The following COL27A1 variants were observed in gnomAD, a reference collection of about 807,000 sequenced individuals.
The protein encoded by COL27A1 is collagen alpha-1(XXVII) chain.
In COL27A1, 106 loss-of-function variants were observed where a neutral mutation model predicts 251.3. That is an observed-to-expected ratio of 0.42 (90% CI 0.36 to 0.50). COL27A1 has a LOEUF of 0.50. Among genes scored for constraint, COL27A1 ranks in the 20% least tolerant of loss-of-function variants. The pLI, the probability that COL27A1 is intolerant of heterozygous loss-of-function variation, is 0.00. For synonymous variants in COL27A1, 1,000 were observed against 986.3 expected, an observed-to-expected ratio of 1.01 and a Z score of -0.26; for missense variants, 2,325 against 2,522.8, an observed-to-expected ratio of 0.92 and a Z score of 1.68.
intron 3 of COL27A1, among the ~76,000 whole-genome samples, chr9:114,177,084 C>T (rs1329574168): frequency 6.6e-6 from 1 of 152,212 alleles, no homozygotes; most frequent in East Asian, 1.9e-4. Context: ...TCACATCAGG[C>T]GCTTAGTTAA....
chr9:114,205,913 C>T, intron 9 of COL27A1, 101 bp downstream of exon 9: 1 of 1,071,032 alleles, frequency 9.3e-7, no homozygotes, highest in East Asian at 2.4e-5. Flanking sequence ...GGCCAAGGAG[C>T]TGCACCTGCT....
At position 114,293,349 on chromosome 9, in the gene COL27A1, A is replaced by G. The variant is rs567964438; in HGVS notation, c.4584+1139A>G. On this transcript the variant is annotated intron_variant, in intron 49 of 60. Coordinates refer to ENST00000356083, the MANE Select transcript of COL27A1 (RefSeq NM_032888.4). ...AGTATTTTGAATTGAATGAAAGTAA[A>G]AAACAGCATATAAAAATTGGTGAAA... Among the ~76,000 whole-genome samples, 4 of 152,322 alleles carry G rather than the reference A, an allele frequency of 2.6e-5. No individual in the cohort carries two copies. The South Asian group carries it at 8.3e-4, about 32-fold the overall frequency.
At chr9:114,276,729 A>G (rs1375328073) in intron 37 of COL27A1, among the ~76,000 whole-genome samples, 2 of 152,254 alleles carry the variant, frequency 1.3e-5, no homozygotes, top group African/African-American at 4.8e-5. Flanking sequence ...AAATGTACTT[A>G]GTCAGTCCAC....
intron 3 of COL27A1, among the ~76,000 whole-genome samples, chr9:114,173,166 G>A (rs1347502371): frequency 2.7e-5 from 4 of 150,522 alleles, no homozygotes; most frequent in South Asian, 2.1e-4. Flanking sequence ...CGGGGAGGCC[G>A]TGGTTCACAG....
intron 10 of COL27A1, among the ~76,000 whole-genome samples, chr9:114,208,937 A>G (rs938950446): frequency 6.6e-6 from 1 of 152,044 alleles, no homozygotes; most frequent in African/African-American, 2.4e-5. Flanking sequence ...GAGGGAGGAA[A>G]TGAGATGCAT....
rs200972376 is a variant in COL27A1 at position 114,266,648 on chromosome 9, T to G, written c.3447+30T>G. The G allele has an allele frequency of 6.0e-5, 95 of 1,592,698 alleles. No individual in the cohort carries two copies. The African/African-American group carries it at 8.6e-4, about 14-fold the overall frequency. On this transcript the variant is annotated intron_variant, in intron 33 of 60. Transcript: ENST00000356083. The stretch of plus-strand genomic sequence containing the variant: ...GTGTGAGAGACCCTTATTCGTCCCA[T>G]GATGCTGCTGGGGATGTATCAGCCC...
intron 41 of COL27A1, among the ~76,000 whole-genome samples, chr9:114,287,367 A>G (rs542364524): frequency 2.8e-4 from 43 of 152,122 alleles, no homozygotes; most frequent in African/African-American, 8.7e-4. Flanking sequence ...GAGTCTTCTG[A>G]GCCCTGAGAT....
chr9:114,310,756 G>A lies in COL27A1; in HGVS notation c.*61G>A. ...GAGGGAAGAGGAAGAGGCAAGGGGA[G>A]GGTACTGAGGGGCAGATGGCTCCAG... On this transcript the variant is annotated 3_prime_UTR_variant, in exon 61 of 61. Coordinates refer to ENST00000356083, the MANE Select transcript of COL27A1 (RefSeq NM_032888.4). The A allele has an allele frequency of 6.4e-7, 1 of 1,574,388 alleles. No individual in the cohort carries two copies. Among genetic ancestry groups the A allele is most frequent in the Non-Finnish European group, 8.7e-7 (1 of 1,149,898 alleles).
At position 114,306,616 on chromosome 9, in the gene COL27A1, C is replaced by T. The variant is rs767709144; in HGVS notation, c.5035C>T (p.Pro1679Ser). The change falls in exon 58 of 61, where the codon CCC becomes TCC. Residue 1679 changes from proline to serine, a missense_variant. Coordinates refer to ENST00000356083, the MANE Select transcript of COL27A1 (RefSeq NM_032888.4). ...CAACCTCATCCAGAGCATTAAGACG[C>T]CCCTGGGCACCAAAGAGAACCCCGC... Reference protein sequence around the residue: ...LSNLIQSIKTPLGTKENPARV... With the variant: ...LSNLIQSIKTSLGTKENPARV... 1 of 1,614,152 alleles carries T rather than the reference C, an allele frequency of 6.2e-7. No individual in the cohort carries two copies. Among genetic ancestry groups the T allele is most frequent in the South Asian group, 1.1e-5 (1 of 91,084 alleles).
At chr9:114,193,923 G>A (rs1199991430) in intron 5 of COL27A1, among the ~76,000 whole-genome samples, 2 of 152,186 alleles carry the variant, frequency 1.3e-5, no homozygotes, top group East Asian at 3.9e-4. Context: ...CAAGTAGGAT[G>A]TGAAGGACAC....
intron 32 of COL27A1, among the ~76,000 whole-genome samples, chr9:114,266,201 C>T (rs1834729330): frequency 6.6e-6 from 1 of 152,064 alleles, no homozygotes; most frequent in Admixed American, 6.6e-5. Flanking sequence ...AGGAGTCACC[C>T]TTTTGAACAG....
rs201345287 is a variant in COL27A1 at position 114,168,341 on chromosome 9, C to T, written c.786C>T (p.Ser262=). ...CTGGCAGACCTTTTACCTTCCAGTC[C>T]GACCTCGCCCTGCTAGGCCTGGAGA... is the stretch of plus-strand genomic sequence containing the variant. ...QDSGRPFTFQ[S]DLALLGLENL... Residue 262 remains serine (S), a synonymous_variant, in exon 3 of 61, where the codon TCC becomes TCT. Transcript: ENST00000356083. 1.2e-4 allele frequency: 197 copies of T among 1,613,260 alleles called. No individual in the cohort carries two copies. The East Asian group carries it at 1.9e-3, about 15-fold the overall frequency.
rs1827866518 is a variant in COL27A1, at chr9:114,290,918, G to A, written c.4476+1G>A. 1.3e-6 allele frequency: 2 copies of A among 1,547,970 alleles called. No individual in the cohort carries two copies. Among genetic ancestry groups the A allele is most frequent in the Non-Finnish European group, 1.7e-6 (2 of 1,144,150 alleles). ...AGCACAGGGACCCCCAGGATTCAAGGTCAGATACCTCTTAATACACTTACC... is the reference window on the plus strand; with the variant it reads ...AGCACAGGGACCCCCAGGATTCAAGATCAGATACCTCTTAATACACTTACC... On this transcript the variant is annotated splice_donor_variant, in intron 48 of 60. Transcript: ENST00000356083. LOFTEE classifies it high-confidence loss of function. The surrounding 1 kb of genome is among the most constrained non-coding windows in gnomAD (Gnocchi z 4.6).
intron 57 of COL27A1, among the ~76,000 whole-genome samples, 175 bp downstream of exon 57, chr9:114,304,848 A>C (rs1399020383): frequency 1.3e-5 from 2 of 152,200 alleles, no homozygotes; most frequent in Non-Finnish European, 2.9e-5. Context: ...CAGAATGGGC[A>C]GTGAGTCCAA....
chr9:114,237,096 G>C, intron 18 of COL27A1, 62 bp downstream of exon 18: 1 of 1,465,784 alleles, frequency 6.8e-7, no homozygotes, highest in Non-Finnish European at 9.2e-7. Context: ...GTGTAATGTG[G>C]CTGGGGACAC....
At chr9:114,292,074 A>G (rs371936520) in intron 48 of COL27A1, 29 bp from the exon 49 acceptor site, 30 of 1,543,142 alleles carry the variant, frequency 1.9e-5, no homozygotes, top group Non-Finnish European at 2.5e-5. Flanking sequence ...TCCCACTTTG[A>G]CTGGTAATTT....
In COL27A1 at chr9:114,169,172, G is replaced by A. The variant is rs145936685; in HGVS notation, c.1617G>A (p.Ser539=). The A allele has an allele frequency of 9.0e-4, 1,459 of 1,613,992 alleles. 10 individuals carry two copies. The African/African-American group carries it at 0.017, about 19-fold the overall frequency. ...CTGGAAGCAAGAAGCCCATTGGATC[G>A]GAAGCCTCAAAGAAAGCCGGACCCA... The part of the protein sequence containing the change: ...APTGSKKPIG[S]EASKKAGPKS... Residue 539 remains serine (S), a synonymous_variant, in exon 3 of 61, where the codon TCG becomes TCA. Transcript: ENST00000356083.
chr9:114,301,002 C>T (rs953679156), intron 51 of COL27A1, 70 bp from the exon 52 acceptor site: 14 of 1,480,094 alleles, frequency 9.5e-6, no homozygotes, highest in Non-Finnish European at 1.3e-5. Flanking sequence ...GGGCTGCCCT[C>T]CACCCCGCTC....
chr9:114,283,147 G>T (rs1836033896), intron 39 of COL27A1, among the ~76,000 whole-genome samples: 1 of 152,202 alleles, frequency 6.6e-6, no homozygotes. Context: ...GCTGGTTTGT[G>T]GTATTTGCCA....
Sources: allele counts gnomAD v4.1 joint callset (sites outside exome capture counted in the v4.1 genomes callset), GRCh38; gene constraint gnomAD v4.1.1; non-coding constraint Gnocchi (gnomAD v3.1); transcripts MANE v1.5; gene names NCBI Gene and HGNC (gene_info 2026-07-23, HGNC 2026-07-21).